The following SCAPER variants were observed in gnomAD, a reference collection of about 807,000 sequenced individuals.
The protein encoded by SCAPER is S phase cyclin A-associated protein in the endoplasmic reticulum.
Under a neutral mutation model 182.2 loss-of-function variants are expected in SCAPER, and 98 were observed. The ratio of observed to expected loss-of-function variants is 0.54; its 90% CI spans 0.46 to 0.64. SCAPER has a LOEUF of 0.64. Ranked by LOEUF, SCAPER falls within the 30% of genes least tolerant of loss-of-function variation. SCAPER has a pLI of 0.00. For synonymous variants in SCAPER, 605 were observed against 564.6 expected (o/e 1.07, Z -1.01); for missense variants, 1,432 against 1,690.0 (o/e 0.85, Z 2.68).
At chr15:76,646,775 C>T (rs1182069480) in intron 21 of SCAPER, among the ~76,000 whole-genome samples, 1 of 152,208 alleles carries the variant, frequency 6.6e-6, no homozygotes, top group African/African-American at 2.4e-5. Flanking sequence ...ATATAGGTCC[C>T]TACTAATTAA....
chr15:76,376,124 T>C, intron 29 of SCAPER, 38 bp downstream of exon 29: 1 of 1,609,454 alleles, frequency 6.2e-7, no homozygotes, highest in Non-Finnish European at 8.5e-7. Context: ...CTCTCAGCAC[T>C]GGGGGAGCAG....
chr15:76,521,187 A>T (rs1199891979), intron 23 of SCAPER, among the ~76,000 whole-genome samples: 1 of 152,198 alleles, frequency 6.6e-6, no homozygotes, highest in Non-Finnish European at 1.5e-5. Context: ...ATTAGATGAG[A>T]CAAAGATATG....
intron 26 of SCAPER, among the ~76,000 whole-genome samples, chr15:76,420,224 G>A (rs903575777): frequency 6.9e-6 from 1 of 144,120 alleles, no homozygotes; most frequent in African/African-American, 2.6e-5. Context: ...CCCCTCTATA[G>A]ATGTTTTTTC....
intron 21 of SCAPER, among the ~76,000 whole-genome samples, chr15:76,652,118 A>G (rs952465541): frequency 6.7e-6 from 1 of 149,964 alleles, no homozygotes; most frequent in Non-Finnish European, 1.5e-5. Context: ...TCAAAGAAAC[A>G]TAACTAAAAA....
intron 17 of SCAPER, among the ~76,000 whole-genome samples, chr15:76,713,173 T>C (rs1351008839): frequency 1.3e-5 from 2 of 152,188 alleles, no homozygotes; most frequent in Non-Finnish European, 1.5e-5. Flanking sequence ...ACTTTTACAC[T>C]GTTGGTGGGA....
At chr15:76,779,028 T>C (rs572286875) in intron 8 of SCAPER, among the ~76,000 whole-genome samples, 5 of 152,152 alleles carry the variant, frequency 3.3e-5, no homozygotes, top group African/African-American at 9.6e-5. Flanking sequence ...CATTCCATAA[T>C]GAACACAAAA....
At chr15:76,718,080 T>C (rs2059987715) in intron 17 of SCAPER, among the ~76,000 whole-genome samples, 1 of 152,140 alleles carries the variant, frequency 6.6e-6, no homozygotes, top group Non-Finnish European at 1.5e-5. Flanking sequence ...CTATTGTTGT[T>C]TCAGATCACT....
chr15:76,847,257 G>T (rs1331563359), intron 4 of SCAPER, among the ~76,000 whole-genome samples: 7 of 152,008 alleles, frequency 4.6e-5, no homozygotes, highest in Non-Finnish European at 8.8e-5. Flanking sequence ...TGGAAAGAAT[G>T]GGTGCAGCAA....
intron 5 of SCAPER, among the ~76,000 whole-genome samples, chr15:76,811,910 TAAAC>T (rs1322146023): frequency 2.6e-5 from 4 of 151,788 alleles, no homozygotes; most frequent in Admixed American, 6.6e-5. Context: ...ATATCTCAAA[TAAAC>T]AACCTAACTT....
chr15:76,356,452 T>G (rs1235134975), intron 29 of SCAPER, among the ~76,000 whole-genome samples: 1 of 151,980 alleles, frequency 6.6e-6, no homozygotes, highest in East Asian at 1.9e-4. Flanking sequence ...AGGCCTTAGG[T>G]GGTAAAATGT....
chr15:76,606,466 G>A (rs2050410398), intron 22 of SCAPER, among the ~76,000 whole-genome samples: 1 of 152,182 alleles, frequency 6.6e-6, no homozygotes, highest in Admixed American at 6.5e-5. Context: ...TAGGTGTGGT[G>A]TGGTGCTGAA....
intron 5 of SCAPER, among the ~76,000 whole-genome samples, chr15:76,809,216 G>A (rs1598850522): frequency 6.6e-6 from 1 of 152,142 alleles, no homozygotes; most frequent in African/African-American, 2.4e-5. Context: ...CAAACACTAA[G>A]GGTCAAAGAA....
At chr15:76,854,286 A>G (rs541229362) in intron 4 of SCAPER, among the ~76,000 whole-genome samples, 473 of 152,182 alleles carry the variant, frequency 3.1e-3, no homozygotes, top group African/African-American at 0.011. Flanking sequence ...CAAAAACAAA[A>G]AAGTCATTAG....
intron 21 of SCAPER, among the ~76,000 whole-genome samples, chr15:76,639,691 C>T (rs1160605462): frequency 6.7e-6 from 1 of 148,376 alleles, no homozygotes; most frequent in East Asian, 2.0e-4. Context: ...TGCTAATGTC[C>T]CCCCACCACC....
intron 23 of SCAPER, among the ~76,000 whole-genome samples, chr15:76,511,765 C>T (rs2042039552): frequency 6.6e-6 from 1 of 151,510 alleles, no homozygotes; most frequent in Non-Finnish European, 1.5e-5. Context: ...GCACAGGGGA[C>T]TGCACTCAGT....
chr15:76,528,304 G>A (rs1046343484), intron 23 of SCAPER, among the ~76,000 whole-genome samples: 11 of 151,860 alleles, frequency 7.2e-5, no homozygotes, highest in African/African-American at 2.7e-4. Flanking sequence ...CATTTCTACT[G>A]TTTCCTTTAC....
chr15:76,605,102 G>A (rs534678212), intron 22 of SCAPER, among the ~76,000 whole-genome samples: 6 of 152,220 alleles, frequency 3.9e-5, no homozygotes, highest in African/African-American at 9.6e-5. Context: ...TCTTGTGCCC[G>A]TTTTCAAAGG....
At chr15:76,888,706 G>GT (rs1349129934) in intron 1 of SCAPER, among the ~76,000 whole-genome samples, 1 of 152,186 alleles carries the variant, frequency 6.6e-6, no homozygotes, top group Non-Finnish European at 1.5e-5. Flanking sequence ...TCTGACTGGT[G>GT]TACCTGAAAC....
chr15:76,815,420 C>A (rs11072628), intron 5 of SCAPER, among the ~76,000 whole-genome samples: 40,371 of 152,104 alleles, frequency 0.27, 6,292 homozygotes, highest in East Asian at 0.55. Flanking sequence ...CACACACATA[C>A]ATACAGTCAA....
Sources: gnomAD v4.1 joint callset for allele counts (sites outside exome capture counted in the v4.1 genomes callset) on GRCh38, gnomAD v4.1.1 for gene constraint, MANE v1.5 for transcripts, NCBI Gene and HGNC (gene_info 2026-07-23, HGNC 2026-07-21) for gene names.